Variants in FOXP1 observed in about 807,000 individuals in gnomAD.
The protein encoded by FOXP1 is forkhead box P1.
FOXP1 carries 15 observed loss-of-function variants against 98.2 expected under a neutral mutation model. That is an observed-to-expected ratio of 0.15 (90% confidence interval 0.10 to 0.24). The LOEUF (loss-of-function observed/expected upper bound fraction) is 0.24. Among genes scored for constraint, FOXP1 ranks in the 10% least tolerant of loss-of-function variants. FOXP1 has a pLI of 1.00. For synonymous variants in FOXP1, 371 were observed against 314.5 expected (o/e 1.18, Z -1.90); for missense variants, 633 against 848.5 (o/e 0.75, Z 3.15).
chr3:70,986,299 C>A (rs1305339950), intron 14 of FOXP1, among the ~76,000 whole-genome samples: 1 of 152,170 alleles, frequency 6.6e-6, no homozygotes, highest in Non-Finnish European at 1.5e-5. Flanking sequence ...TCGCCAAGCG[C>A]CCTACGGGGT....
At chr3:71,290,833 A>T (rs2072673040) in intron 5 of FOXP1, among the ~76,000 whole-genome samples, 1 of 152,214 alleles carries the variant, frequency 6.6e-6, no homozygotes, top group African/African-American at 2.4e-5. Flanking sequence ...AAGGATGCTT[A>T]GCTGGTAATG....
At chr3:70,987,672 A>G (rs2039967208) in intron 14 of FOXP1, among the ~76,000 whole-genome samples, 1 of 152,144 alleles carries the variant, frequency 6.6e-6, no homozygotes, top group South Asian at 2.1e-4. Context: ...TACCATTCAG[A>G]AAGATTTTCT....
chr3:71,074,676 C>T (rs2053617669), intron 7 of FOXP1, among the ~76,000 whole-genome samples: 1 of 152,186 alleles, frequency 6.6e-6, no homozygotes, highest in South Asian at 2.1e-4. Context: ...GAGGCTGGTT[C>T]AGTCTTACTC....
chr3:71,190,658 A>AAAAG (rs1560089655), intron 6 of FOXP1, among the ~76,000 whole-genome samples: 4 of 151,224 alleles, frequency 2.6e-5, no homozygotes, highest in Admixed American at 6.6e-5. Flanking sequence ...AAAAAAAAAA[A>AAAAG]AAAGAAAAAG....
intron 7 of FOXP1, among the ~76,000 whole-genome samples, chr3:71,110,709 C>T (rs1006595187): frequency 6.6e-5 from 10 of 152,200 alleles, no homozygotes; most frequent in African/African-American, 2.2e-4. Flanking sequence ...AGTCTGACTA[C>T]GGAAACTGTT....
intron 2 of FOXP1, among the ~76,000 whole-genome samples, chr3:71,525,471 G>GA (rs1232974175): frequency 6.6e-6 from 1 of 152,138 alleles, no homozygotes; most frequent in African/African-American, 2.4e-5. Context: ...TCCTTTTTCA[G>GA]AATCAACTGG....
intron 11 of FOXP1, among the ~76,000 whole-genome samples, chr3:71,025,492 A>G (rs924793691): frequency 2.0e-5 from 3 of 152,200 alleles, no homozygotes; most frequent in Non-Finnish European, 4.4e-5. Flanking sequence ...CTTTATAACA[A>G]GATGGATGGA....
chr3:71,406,995 A>G (rs2082392953), intron 3 of FOXP1, among the ~76,000 whole-genome samples: 1 of 152,154 alleles, frequency 6.6e-6, no homozygotes, highest in South Asian at 2.1e-4. Context: ...TCCCGCCACA[A>G]CAGTTTATAT....
In FOXP1 at chr3:71,519,800, A is replaced by G. The variant is rs560619369; in HGVS notation, c.-297-26245T>C. Among the ~76,000 whole-genome samples the G allele has an allele frequency of 2.4e-3, 367 of 152,364 alleles. 1 individual carries two copies. The highest frequency in any genetic ancestry group is 6.8e-3 in the Middle Eastern group (2 of 294). The stretch of plus-strand genomic sequence containing the variant: ...GTTGTCTGCTTGCTGCTAAATCTCT[A>G]TAAAGGTGCTAACCAGCTGCACTGG... On this transcript the variant is annotated intron_variant, in intron 2 of 20. Coordinates refer to ENST00000649528, the MANE Select transcript of FOXP1 (RefSeq NM_001349338.3).
chr3:71,343,723 G>A (rs1310748053), intron 4 of FOXP1, among the ~76,000 whole-genome samples: 2 of 151,962 alleles, frequency 1.3e-5, no homozygotes, highest in South Asian at 2.1e-4. Flanking sequence ...GTAGAGATGC[G>A]ATTTCACAAA....
Position 71,159,551 on chromosome 3 carries a change from G to A in FOXP1, c.180+38651C>T, listed in dbSNP as rs774628658. Among the ~76,000 whole-genome samples the A allele has an allele frequency of 1.9e-4, 29 of 152,302 alleles. 1 individual carries two copies. Among genetic ancestry groups the A allele is most frequent in the Admixed American group, 9.8e-4 (15 of 15,296 alleles). ...CCCAGCTTCATCAAGGGAGGCTGGCGAATTTCTCTTCCTGGAGAGCTTTTT... is the reference window on the plus strand; with the variant it reads ...CCCAGCTTCATCAAGGGAGGCTGGCAAATTTCTCTTCCTGGAGAGCTTTTT... On this transcript the variant is annotated intron_variant, in intron 6 of 20. Coordinates refer to ENST00000649528, the MANE Select transcript of FOXP1 (RefSeq NM_001349338.3).
intron 17 of FOXP1, among the ~76,000 whole-genome samples, chr3:70,975,466 C>T (rs762119741): frequency 2.0e-4 from 31 of 152,108 alleles, no homozygotes; most frequent in Non-Finnish European, 4.0e-4. Context: ...TGGTTATATT[C>T]GTTTTCTTTT....
Position 70,955,830 on chromosome 3 carries a change from G to GTGCACA in FOXP1, c.*3416_*3417insTGTGCA, listed in dbSNP as rs1559546948. The stretch of plus-strand genomic sequence containing the variant: ...AAAACAGATTAACACACACGCACGC[G>GTGCACA]CGCACACACACACACACACACACAC... On this transcript the variant is annotated 3_prime_UTR_variant, in exon 21 of 21. Transcript: ENST00000649528. The GTGCACA allele has an allele frequency of 1.9e-5, 4 of 205,752 alleles. No individual in the cohort carries two copies. The highest frequency in any genetic ancestry group is 6.3e-5 in the Admixed American group (1 of 15,916). 12.7% of individuals were successfully genotyped at this position (205,752 alleles called of 1,614,324 possible).
intron 6 of FOXP1, among the ~76,000 whole-genome samples, chr3:71,141,370 A>T (rs950825473): frequency 6.6e-6 from 1 of 152,068 alleles, no homozygotes; most frequent in Non-Finnish European, 1.5e-5. Flanking sequence ...CATGTTTTCA[A>T]GGACGACACA....
chr3:70,969,508 G>GTGCTCCATAAATATCTGT (rs1224161270), intron 19 of FOXP1: 1 of 152,114 alleles, frequency 6.6e-6, no homozygotes, highest in Non-Finnish European at 1.5e-5. Flanking sequence ...GTACAGAGTC[G>GTGCTCCATAAATATCTGT]TGCTCCATAA....
At chr3:71,413,402 G>C (rs939571187) in intron 3 of FOXP1, among the ~76,000 whole-genome samples, 4 of 151,188 alleles carry the variant, frequency 2.6e-5, no homozygotes. Context: ...TAATGATAGA[G>C]CAGAATGGCA....
In FOXP1 at chr3:71,531,820, G is replaced by T. The variant is rs530027061; in HGVS notation, c.-297-38265C>A. Among the ~76,000 whole-genome samples the T allele has an allele frequency of 2.6e-5, 4 of 152,294 alleles. No individual in the cohort carries two copies. The East Asian group carries it at 7.7e-4, about 29-fold the overall frequency. On this transcript the variant is annotated intron_variant, in intron 2 of 20. Coordinates refer to ENST00000649528, the MANE Select transcript of FOXP1 (RefSeq NM_001349338.3). Reference sequence around the variant, plus strand: ...GGTAGACAGATCCTTCAACTACAGCGTTCTAGACCCAAGATTTTGTATCTT... The same window carrying T: ...GGTAGACAGATCCTTCAACTACAGCTTTCTAGACCCAAGATTTTGTATCTT...
At chr3:71,554,887 T>C (rs1247122897) in intron 2 of FOXP1, among the ~76,000 whole-genome samples, 1 of 152,212 alleles carries the variant, frequency 6.6e-6, no homozygotes, top group Non-Finnish European at 1.5e-5. Context: ...CTGATTTGTA[T>C]ATGCTTGGTG....
At chr3:71,122,567 C>A (rs1052736836) in intron 6 of FOXP1, among the ~76,000 whole-genome samples, 2 of 152,176 alleles carry the variant, frequency 1.3e-5, no homozygotes, top group African/African-American at 4.8e-5. Context: ...AACTTCCCTA[C>A]ATTTAAGACA....
Sources: allele counts gnomAD v4.1 joint callset (sites outside exome capture counted in the v4.1 genomes callset), GRCh38; gene constraint gnomAD v4.1.1; transcripts MANE v1.5; gene names NCBI Gene and HGNC (gene_info 2026-07-23, HGNC 2026-07-21).